DPYSL5: variants seen among roughly 807,000 people sequenced by gnomAD.
The protein encoded by DPYSL5 is dihydropyrimidinase like 5.
DPYSL5 carries 9 observed loss-of-function variants against 58.4 expected under a neutral mutation model. The ratio of observed to expected loss-of-function variants is 0.15; its 90% CI spans 0.09 to 0.27. The LOEUF (loss-of-function observed/expected upper bound fraction) is 0.27, where lower values mean the gene tolerates loss of function less well. Ranked by LOEUF, DPYSL5 falls within the 10% of genes least tolerant of loss-of-function variation. The pLI is 1.00. For missense variants in DPYSL5, 499 were observed against 770.6 expected, an observed-to-expected ratio of 0.65 and a Z score of 4.17; for synonymous variants, 293 against 301.9, an observed-to-expected ratio of 0.97 and a Z score of 0.31.
intron 1 of DPYSL5, among the ~76,000 whole-genome samples, chr2:26,853,621 C>T (rs373253727): frequency 5.9e-5 from 9 of 152,122 alleles, no homozygotes; most frequent in African/African-American, 2.2e-4. Context: ...AAAAACAAAA[C>T]CAATAGGATT....
chr2:26,872,515 C>A (rs1479971596), intron 1 of DPYSL5, among the ~76,000 whole-genome samples: 1 of 152,066 alleles, frequency 6.6e-6, no homozygotes, highest in Non-Finnish European at 1.5e-5. Flanking sequence ...CATGGTGAAA[C>A]CCCGTCTCTA....
chr2:26,932,181 A>AAGAAAGAC (rs1553321111), intron 6 of DPYSL5, among the ~76,000 whole-genome samples: 866 of 74,990 alleles, frequency 0.012, 20 homozygotes, highest in South Asian at 0.014. Context: ...GAAAGAAAGA[A>AAGAAAGAC]AGAAAGAAAG....
At chr2:26,867,486 C>A (rs917645060) in intron 1 of DPYSL5, among the ~76,000 whole-genome samples, 6 of 139,842 alleles carry the variant, frequency 4.3e-5, no homozygotes, top group African/African-American at 1.3e-4. Flanking sequence ...GACGGAGTCT[C>A]GCTCTGTCGC....
chr2:26,869,502 G>T (rs972970634), intron 1 of DPYSL5, among the ~76,000 whole-genome samples: 1 of 152,056 alleles, frequency 6.6e-6, no homozygotes, highest in Non-Finnish European at 1.5e-5. Flanking sequence ...GCTCAAAATA[G>T]ATCAAAATAG....
intron 5 of DPYSL5, among the ~76,000 whole-genome samples, chr2:26,930,910 C>T (rs1031093336): frequency 1.3e-5 from 2 of 150,724 alleles, no homozygotes; most frequent in African/African-American, 2.4e-5. Flanking sequence ...GGAGGCGGAG[C>T]TTGCAGTGAG....
intron 1 of DPYSL5, among the ~76,000 whole-genome samples, chr2:26,850,379 G>A (rs1224291658): frequency 6.6e-6 from 1 of 152,122 alleles, no homozygotes; most frequent in Non-Finnish European, 1.5e-5. Context: ...TCAGCCTCTC[G>A]CCCGCCGTCT....
At chr2:26,850,314 G>A (rs1346277259) in intron 1 of DPYSL5, among the ~76,000 whole-genome samples, 1 of 152,176 alleles carries the variant, frequency 6.6e-6, no homozygotes, top group Non-Finnish European at 1.5e-5. Flanking sequence ...CCGTGGGAAA[G>A]CAGATGAACC....
At chr2:26,940,267 C>G in intron 9 of DPYSL5, 95 bp downstream of exon 9, 2 of 1,447,890 alleles carry the variant, frequency 1.4e-6, no homozygotes, top group South Asian at 2.8e-5. Flanking sequence ...CTCCTCAGAT[C>G]CTGTCAAAGA....
At chr2:26,853,375 A>G (rs747969495) in intron 1 of DPYSL5, among the ~76,000 whole-genome samples, 1 of 152,214 alleles carries the variant, frequency 6.6e-6, no homozygotes, top group African/African-American at 2.4e-5. Context: ...TTGGAACCAC[A>G]GTTATTTATT....
rs1011855484 is a variant in DPYSL5, at chr2:26,877,827, C to T, written c.-4-20669C>T. Among the ~76,000 whole-genome samples, 11 of 152,170 alleles carry T rather than the reference C, an allele frequency of 7.2e-5. No homozygotes were observed. The highest frequency in any genetic ancestry group is 2.7e-4 in the African/African-American group (11 of 41,432). ...TGTCCTGTAAACTACTTTCTTCACT[C>T]ATAACCTCCCATGTCAATACTTAGA... On this transcript the variant is annotated intron_variant, in intron 1 of 12. Coordinates refer to ENST00000288699, the MANE Select transcript of DPYSL5 (RefSeq NM_020134.4). This position sits in a 1 kb window ranked among gnomAD's most constrained non-coding sequence, Gnocchi z 4.1.
intron 2 of DPYSL5, among the ~76,000 whole-genome samples, chr2:26,923,276 T>C (rs1572708609): frequency 6.6e-6 from 1 of 152,210 alleles, no homozygotes. Context: ...GGCTGCAGTG[T>C]GCTATGATTG....
In DPYSL5 at chr2:26,931,169, ATG is replaced by A. The variant is rs1324624030; in HGVS notation, c.670-437_670-436del. Among the ~76,000 whole-genome samples the A allele has an allele frequency of 2.1e-3, 94 of 45,676 alleles. 1 individual carries two copies. The highest frequency in any genetic ancestry group is 6.1e-3 in the African/African-American group (87 of 14,324). The allele number at this position is 45,676 out of a possible 152,430, so 30.0% of individuals were successfully genotyped here. A position where few individuals can be genotyped will look rare whatever the true frequency, so the allele number is the denominator to read the frequency against. On this transcript the variant is annotated intron_variant, in intron 5 of 12. Transcript: ENST00000288699. The stretch of plus-strand genomic sequence containing the variant: ...AAAAAAAAAATATATATATATATAT[ATG>A]TGTGTGTGTGTGTGTGTGTGTGTGT...
chr2:26,882,908 TAAA>T (rs74378520), intron 1 of DPYSL5, among the ~76,000 whole-genome samples: 3 of 100,120 alleles, frequency 3.0e-5, no homozygotes, highest in South Asian at 3.3e-4. Flanking sequence ...GAGACTATCT[TAAA>T]AAAAAAAAAA....
chr2:26,937,944 G>A (rs1255560854), intron 8 of DPYSL5, among the ~76,000 whole-genome samples: 1 of 152,044 alleles, frequency 6.6e-6, no homozygotes, highest in Non-Finnish European at 1.5e-5. Flanking sequence ...GACCTCAACT[G>A]ATCCACCCGC....
intron 1 of DPYSL5, among the ~76,000 whole-genome samples, chr2:26,881,862 C>T (rs1353321112): frequency 6.6e-6 from 1 of 151,972 alleles, no homozygotes; most frequent in Non-Finnish European, 1.5e-5. Context: ...GAGGCCGAGG[C>T]AGGTGGATCA....
chr2:26,891,061 A>G (rs1572691064), intron 1 of DPYSL5, among the ~76,000 whole-genome samples: 1 of 152,198 alleles, frequency 6.6e-6, no homozygotes, highest in East Asian at 1.9e-4. Flanking sequence ...AACTCTAGAG[A>G]CGAACTGTCT....
At chr2:26,859,123 C>G (rs1366406560) in intron 1 of DPYSL5, among the ~76,000 whole-genome samples, 1 of 152,110 alleles carries the variant, frequency 6.6e-6, no homozygotes, top group Non-Finnish European at 1.5e-5. Flanking sequence ...AAATGGCAGT[C>G]TTCAGTTCCG....
At chr2:26,902,684 G>A (rs1282555028) in intron 2 of DPYSL5, among the ~76,000 whole-genome samples, 1 of 152,196 alleles carries the variant, frequency 6.6e-6, no homozygotes, top group African/African-American at 2.4e-5. Flanking sequence ...ATGAGGCTAA[G>A]ACCTATTCGG....
rs1411288204 is a variant in DPYSL5 at position 26,942,548 on chromosome 2, T to G, written c.1238T>G (p.Ile413Ser). 1 of 1,613,932 alleles carries G rather than the reference T, an allele frequency of 6.2e-7. No individual in the cohort carries two copies. The highest frequency in any genetic ancestry group is 2.2e-5 in the East Asian group (1 of 44,884). Residue 413 changes from isoleucine to serine, a missense_variant, in exon 11 of 13, where the codon ATC (isoleucine) becomes AGC (serine). Physicochemically the swap from Ile to Ser is moderately radical, Grantham distance 142 (BLOSUM62 -2). Transcript: ENST00000288699. This position sits in a 1 kb window ranked among gnomAD's most constrained non-coding sequence, Gnocchi z 5.9. The part of the protein sequence containing the change: ...VVWDPEATKT[I>S]SASTQVQGGD... ...CGCCATTGCCTCCCCACCAGGACCA[T>G]CTCAGCCAGCACGCAGGTCCAGGGA...
Sources: gnomAD v4.1 joint callset for allele counts (sites outside exome capture counted in the v4.1 genomes callset) on GRCh38, gnomAD v4.1.1 for gene constraint, Gnocchi (gnomAD v3.1) non-coding constraint, MANE v1.5 for transcripts, NCBI Gene and HGNC (gene_info 2026-07-23, HGNC 2026-07-21) for gene names.